CABLES1: variants seen among roughly 807,000 people sequenced by gnomAD.
The protein encoded by CABLES1 is Cdk5 and Abl enzyme substrate 1, also known as CDK5 and ABL1 enzyme substrate 1.
CABLES1 carries 36 observed loss-of-function variants against 57.8 expected under a neutral mutation model. The observed-to-expected ratio is 0.62, with a 90% CI of 0.48 to 0.82. The LOEUF is 0.82. Among genes scored for constraint, CABLES1 ranks in the 40% least tolerant of loss-of-function variants. The pLI is 0.00. For missense variants in CABLES1, 767 were observed against 836.6 expected (o/e 0.92, Z 1.03); for synonymous variants, 374 against 363.0 (o/e 1.03, Z -0.35).
At position 23,253,924 on chromosome 18, in the gene CABLES1, G is replaced by A; in HGVS notation, c.1749G>A (p.Lys583=). ...GTGACCTCAAAAAACACGAAGTCAA[G>A]CATTTAATTGACGTAAGTAGCCTTT... ...IGSDLKKHEV[K]HLIDKLEEKF... is the part of the protein sequence containing the mutation. The change falls in exon 9 of 10, where the codon AAG becomes AAA. Residue 583 remains lysine, a synonymous_variant. Coordinates refer to ENST00000256925, the MANE Select transcript of CABLES1 (RefSeq NM_001100619.3). The A allele has an allele frequency of 1.2e-6, 2 of 1,614,086 alleles. No individual in the cohort carries two copies. Among genetic ancestry groups the A allele is most frequent in the East Asian group, 2.2e-5 (1 of 44,890 alleles).
At chr18:23,225,053 A>C (rs1419642362) in intron 4 of CABLES1, among the ~76,000 whole-genome samples, 1 of 151,908 alleles carries the variant, frequency 6.6e-6, no homozygotes, top group East Asian at 1.9e-4. Flanking sequence ...TTTTTTGTAG[A>C]GTCGGGTTTC....
chr18:23,175,072 T>A (rs555628240), intron 1 of CABLES1, among the ~76,000 whole-genome samples: 1 of 151,986 alleles, frequency 6.6e-6, no homozygotes, highest in Non-Finnish European at 1.5e-5. Context: ...CACCCACTTA[T>A]CTCTTTCAAT....
chr18:23,238,305 T>C (rs1010784275), intron 7 of CABLES1, among the ~76,000 whole-genome samples: 1 of 152,274 alleles, frequency 6.6e-6, no homozygotes, highest in Non-Finnish European at 1.5e-5. Context: ...CAGGCAGAAC[T>C]TGGGGCCTTG....
intron 1 of CABLES1, among the ~76,000 whole-genome samples, chr18:23,143,675 T>TC (rs1384674803): frequency 2.0e-5 from 3 of 152,086 alleles, no homozygotes; most frequent in Non-Finnish European, 4.4e-5. Flanking sequence ...TGGTTGTGCT[T>TC]CCCCCACCCT....
intron 1 of CABLES1, among the ~76,000 whole-genome samples, chr18:23,140,332 G>C (rs1042045599): frequency 6.6e-6 from 1 of 152,162 alleles, no homozygotes; most frequent in Non-Finnish European, 1.5e-5. Context: ...TCTGGCTAGC[G>C]GACAGCTCCC....
chr18:23,246,265 CA>C (rs111345466), intron 7 of CABLES1, among the ~76,000 whole-genome samples: 82 of 140,588 alleles, frequency 5.8e-4, no homozygotes, highest in Admixed American at 1.1e-3. Context: ...GACTCCATCT[CA>C]AAAAAAAAAA....
At chr18:23,162,074 G>T (rs1338710673) in intron 1 of CABLES1, among the ~76,000 whole-genome samples, 1 of 151,612 alleles carries the variant, frequency 6.6e-6, no homozygotes, top group Non-Finnish European at 1.5e-5. Context: ...CTGAGGCAGG[G>T]GAATCGCTTG....
intron 2 of CABLES1, 132 bp downstream of exon 2, chr18:23,189,041 A>T (rs1012761356): frequency 4.8e-6 from 3 of 628,724 alleles, no homozygotes; most frequent in African/African-American, 1.8e-5. Context: ...GGACTATGGG[A>T]CATCTCCTAG....
Position 23,258,481 on chromosome 18 carries a change from T to C in CABLES1, c.*1114T>C, listed in dbSNP as rs1598897983. 1 of 152,276 alleles carries C rather than the reference T, an allele frequency of 6.6e-6. No individual in the cohort carries two copies. Among genetic ancestry groups the C allele is most frequent in the East Asian group, 1.9e-4 (1 of 5,178 alleles). The allele number at this position is 152,276 out of a possible 1,614,324, so 9.4% of individuals were successfully genotyped here. On this transcript the variant is annotated 3_prime_UTR_variant, in exon 10 of 10. Transcript: ENST00000256925. ...AACATTCCCACGTGCCCAGGGCTGT[T>C]CATGCAAGATTTTAATGGTGACTTG...
chr18:23,148,451 A>G (rs2046907315), intron 1 of CABLES1, among the ~76,000 whole-genome samples: 1 of 151,850 alleles, frequency 6.6e-6, no homozygotes, highest in South Asian at 2.1e-4. Context: ...CCTCTCCTTG[A>G]CCCCATGGTT....
At chr18:23,222,633 A>G (rs1049237240) in intron 4 of CABLES1, among the ~76,000 whole-genome samples, 2 of 151,284 alleles carry the variant, frequency 1.3e-5, no homozygotes, top group African/African-American at 2.4e-5. Context: ...AGATATAGAT[A>G]TAGATATATA....
rs1355746447 is a variant in CABLES1, at chr18:23,173,174, A to G, written c.846-15664A>G. 2.0e-5 allele frequency among the ~76,000 whole-genome samples: 3 copies of G among 152,158 alleles called. No homozygotes were observed. The East Asian group carries it at 5.8e-4, about 29-fold the overall frequency. The stretch of plus-strand genomic sequence containing the variant: ...ACGCGGCTCTGATGGGTGGCTGGGG[A>G]TGGAGCACCAGGTAGCCTGTGCTGG... On this transcript the variant is annotated intron_variant, in intron 1 of 9. Coordinates refer to ENST00000256925, the MANE Select transcript of CABLES1 (RefSeq NM_001100619.3).
intron 4 of CABLES1, among the ~76,000 whole-genome samples, chr18:23,221,786 G>A (rs751935752): frequency 2.6e-5 from 4 of 152,098 alleles, no homozygotes; most frequent in Admixed American, 2.0e-4. Context: ...AGTTACCTGG[G>A]TATCATGAGC....
intron 1 of CABLES1, among the ~76,000 whole-genome samples, chr18:23,157,593 A>G (rs2046974050): frequency 6.6e-6 from 1 of 152,214 alleles, no homozygotes. Context: ...TGCTGGCAAG[A>G]TAGGAAGAGT....
At chr18:23,252,630 C>T (rs140435989) in intron 7 of CABLES1, among the ~76,000 whole-genome samples, 11 of 152,322 alleles carry the variant, frequency 7.2e-5, no homozygotes, top group East Asian at 3.9e-4. Context: ...CCAAGCCCCA[C>T]GCGCTTAAGC....
chr18:23,211,242 C>G (rs1330250009), intron 3 of CABLES1, among the ~76,000 whole-genome samples: 1 of 152,168 alleles, frequency 6.6e-6, no homozygotes, highest in Non-Finnish European at 1.5e-5. Flanking sequence ...GGAAGGACAC[C>G]TTAGCATGAG....
At chr18:23,158,141 AACCC>A (rs1223327059) in intron 1 of CABLES1, among the ~76,000 whole-genome samples, 9 of 150,906 alleles carry the variant, frequency 6.0e-5, no homozygotes, top group Non-Finnish European at 1.2e-4. Context: ...AAAAAAAACA[AACCC>A]ACAAAATTTA....
chr18:23,226,625 A>T (rs1268182041), intron 4 of CABLES1, among the ~76,000 whole-genome samples: 1 of 152,162 alleles, frequency 6.6e-6, no homozygotes, highest in African/African-American at 2.4e-5. Context: ...ATGCATTCTG[A>T]GTTCCAACTT....
At chr18:23,146,342 C>T (rs368753056) in intron 1 of CABLES1, among the ~76,000 whole-genome samples, 135 of 151,856 alleles carry the variant, frequency 8.9e-4, no homozygotes, top group African/African-American at 3.1e-3. Flanking sequence ...CTTGCTCTGT[C>T]GCCCAGGCTG....
Sources: gnomAD v4.1 joint callset for allele counts (sites outside exome capture counted in the v4.1 genomes callset) on GRCh38, gnomAD v4.1.1 for gene constraint, MANE v1.5 for transcripts, NCBI Gene and HGNC (gene_info 2026-07-23, HGNC 2026-07-21) for gene names.